The following PCDH17 variants were observed in gnomAD, a reference collection of about 807,000 sequenced individuals.
PCDH17 encodes the protein protocadherin 17.
PCDH17 carries 21 observed loss-of-function variants against 67.7 expected under a neutral mutation model. The observed-to-expected ratio is 0.31, with a 90% CI of 0.22 to 0.45. The LOEUF is 0.45. Among genes scored for constraint, PCDH17 ranks in the 20% least tolerant of loss-of-function variants. The pLI, the probability that PCDH17 is intolerant of heterozygous loss-of-function variation, is 1.00. For synonymous variants in PCDH17, 701 were observed against 656.7 expected, an observed-to-expected ratio of 1.07 and a Z score of -1.03; for missense variants, 1,471 against 1,564.8, an observed-to-expected ratio of 0.94 and a Z score of 1.01.
At chr13:57,677,770 GAGATTTCAA>G (rs1321624992) in intron 3 of PCDH17, among the ~76,000 whole-genome samples, 2 of 151,756 alleles carry the variant, frequency 1.3e-5, no homozygotes, top group African/African-American at 4.8e-5. Flanking sequence ...TAAAAGATAA[GAGATTTCAA>G]AAGGATATAT....
chr13:57,696,170 G>T (rs557988785), intron 3 of PCDH17, among the ~76,000 whole-genome samples: 1 of 151,490 alleles, frequency 6.6e-6, no homozygotes, highest in South Asian at 2.1e-4. Context: ...TATTTAACTT[G>T]TAATTACTAC....
At chr13:57,702,337 G>A (rs2138077152) in intron 3 of PCDH17, among the ~76,000 whole-genome samples, 2 of 152,002 alleles carry the variant, frequency 1.3e-5, no homozygotes, top group South Asian at 4.2e-4. Context: ...TTTGCCCACC[G>A]AGCCCTACTT....
intron 1 of PCDH17, among the ~76,000 whole-genome samples, chr13:57,643,214 A>AT (rs1954924680): frequency 6.6e-6 from 1 of 151,596 alleles, no homozygotes; most frequent in Non-Finnish European, 1.5e-5. Flanking sequence ...GCTGTGTGAA[A>AT]TTTTTACTGA....
chr13:57,713,078 T>C lies in PCDH17; in HGVS notation c.2798-11534T>C, dbSNP rs540537867. On this transcript the variant is annotated intron_variant, in intron 3 of 3. Transcript: ENST00000377918. ...AAATAGCCCTCTCCAGTAGCTTTTTTGCCCCTCAGTTTGATTACATAGCAG... is the reference window on the plus strand; with the variant it reads ...AAATAGCCCTCTCCAGTAGCTTTTTCGCCCCTCAGTTTGATTACATAGCAG... 2.9e-4 allele frequency among the ~76,000 whole-genome samples: 44 copies of C among 151,788 alleles called. No homozygotes were observed. The South Asian group carries it at 8.5e-3, about 29-fold the overall frequency.
chr13:57,681,831 A>G, intron 3 of PCDH17, among the ~76,000 whole-genome samples: 1 of 151,690 alleles, frequency 6.6e-6, no homozygotes, highest in East Asian at 1.9e-4. Context: ...ATCACTTTTT[A>G]TTTTTTAAAT....
chr13:57,645,284 TTG>T (rs1309417411), intron 1 of PCDH17, among the ~76,000 whole-genome samples: 1 of 151,732 alleles, frequency 6.6e-6, no homozygotes, highest in Non-Finnish European at 1.5e-5. Flanking sequence ...TCCATCTTGA[TTG>T]TCACTGTAGT....
At chr13:57,723,384 A>C (rs1033893843) in intron 3 of PCDH17, among the ~76,000 whole-genome samples, 2 of 152,196 alleles carry the variant, frequency 1.3e-5, no homozygotes, top group Non-Finnish European at 2.9e-5. Context: ...TTTAGGTTTC[A>C]TATATAACTT....
intron 3 of PCDH17, among the ~76,000 whole-genome samples, chr13:57,713,481 A>G (rs1023130463): frequency 2.0e-5 from 3 of 151,498 alleles, no homozygotes; most frequent in African/African-American, 4.8e-5. Context: ...CCTACCCTTT[A>G]TAGGTATTTT....
At chr13:57,701,579 G>C (rs929782253) in intron 3 of PCDH17, among the ~76,000 whole-genome samples, 6 of 151,982 alleles carry the variant, frequency 3.9e-5, no homozygotes, top group Non-Finnish European at 1.5e-5. Flanking sequence ...TTTTTTAATA[G>C]AGAAGTAATG....
intron 1 of PCDH17, among the ~76,000 whole-genome samples, chr13:57,649,643 A>T (rs1046876228): frequency 3.9e-5 from 6 of 152,218 alleles, no homozygotes; most frequent in Admixed American, 1.3e-4. Flanking sequence ...ATACAGAATA[A>T]TGTAATAATA....
chr13:57,695,785 G>T (rs1286050801), intron 3 of PCDH17, among the ~76,000 whole-genome samples: 2 of 151,230 alleles, frequency 1.3e-5, no homozygotes, highest in Admixed American at 1.3e-4. Context: ...TGTCCTCAAA[G>T]ATTAAAACCA....
At chr13:57,708,960 A>C (rs1955747892) in intron 3 of PCDH17, among the ~76,000 whole-genome samples, 1 of 151,864 alleles carries the variant, frequency 6.6e-6, no homozygotes, top group Admixed American at 6.6e-5. Flanking sequence ...ATACATGTAC[A>C]TAATATATCT....
chr13:57,672,180 A>C (rs1372950310), intron 3 of PCDH17, among the ~76,000 whole-genome samples: 2 of 152,054 alleles, frequency 1.3e-5, no homozygotes, highest in African/African-American at 4.8e-5. Context: ...CAGTTCTAAA[A>C]CTAAATTTCT....
At chr13:57,704,385 A>G (rs996675951) in intron 3 of PCDH17, among the ~76,000 whole-genome samples, 1 of 152,062 alleles carries the variant, frequency 6.6e-6, no homozygotes, top group Non-Finnish European at 1.5e-5. Flanking sequence ...GAAAAGCAAA[A>G]GTCTATCAAG....
rs183415401 is a variant in PCDH17 at position 57,644,512 on chromosome 13, G to A, written c.2565+9401G>A. Among the ~76,000 whole-genome samples, 520 of 151,002 alleles carry A rather than the reference G, an allele frequency of 3.4e-3. 3 individuals are homozygous for A. Among genetic ancestry groups the A allele is most frequent in the African/African-American group, 0.012 (488 of 41,278 alleles). The stretch of plus-strand genomic sequence containing the variant: ...CTCAAAACTCAATTTGTTACCACCT[G>A]TGGCTATTTCTATTAAAAAAAAAGA... On this transcript the variant is annotated intron_variant, in intron 1 of 3. Transcript: ENST00000377918.
intron 1 of PCDH17, among the ~76,000 whole-genome samples, chr13:57,653,540 T>G (rs1955067068): frequency 6.6e-6 from 1 of 152,122 alleles, no homozygotes; most frequent in African/African-American, 2.4e-5. Context: ...TTTCATAAAT[T>G]TCATAGGACT....
Position 57,666,483 on chromosome 13 carries a change from G to A in PCDH17, c.2581G>A (p.Ala861Thr), listed in dbSNP as rs756164339. 1.9e-5 allele frequency: 30 copies of A among 1,613,312 alleles called. No homozygotes were observed. The highest frequency in any genetic ancestry group is 1.0e-4 in the Admixed American group (6 of 59,874). The change falls in exon 2 of 4, where the codon GCA becomes ACA. Residue 861 changes from alanine (A) to threonine (T), a missense_variant. Physicochemically the swap from Ala to Thr is moderately conservative, Grantham distance 58 (BLOSUM62 0). Coordinates refer to ENST00000377918, the MANE Select transcript of PCDH17 (RefSeq NM_001040429.3). Reference sequence around the variant, plus strand: ...TCTTTCACAGACAGACAATTTTCCCGCAGAGCCCAATTACATGGGCAGCAG... The same window carrying A: ...TCTTTCACAGACAGACAATTTTCCCACAGAGCCCAATTACATGGGCAGCAG... ...MSIIQTDNFP[A>T]EPNYMGSRQQ... is the part of the protein sequence containing the mutation.
chr13:57,713,105 A>C (rs1955790427), intron 3 of PCDH17, among the ~76,000 whole-genome samples: 1 of 151,630 alleles, frequency 6.6e-6, no homozygotes. Flanking sequence ...ACATAGCAGG[A>C]TAATCTAAAG....
chr13:57,647,541 C>T (rs2137994210), intron 1 of PCDH17, among the ~76,000 whole-genome samples: 1 of 151,718 alleles, frequency 6.6e-6, no homozygotes, highest in East Asian at 1.9e-4. Context: ...CACATTTGGG[C>T]CTGGCCTCTG....
Sources: allele counts gnomAD v4.1 joint callset (sites outside exome capture counted in the v4.1 genomes callset), GRCh38; gene constraint gnomAD v4.1.1; transcripts MANE v1.5; gene names NCBI Gene and HGNC (gene_info 2026-07-23, HGNC 2026-07-21).